SORT1: variants seen among roughly 807,000 people sequenced by gnomAD.
SORT1 encodes sortilin 1, also known as sortilin.
In SORT1, 39 loss-of-function variants were observed where a neutral mutation model predicts 101.7. The observed-to-expected ratio is 0.38, with a 90% CI of 0.30 to 0.50. The LOEUF (loss-of-function observed/expected upper bound fraction) is 0.50, where lower values mean the gene tolerates loss of function less well. SORT1 is among the 20% of genes least tolerant of loss of function. The pLI is 0.90. For synonymous variants in SORT1, 396 were observed against 393.7 expected, an observed-to-expected ratio of 1.01 and a Z score of -0.07; for missense variants, 878 against 1,040.4, an observed-to-expected ratio of 0.84 and a Z score of 2.15.
intron 1 of SORT1, among the ~76,000 whole-genome samples, chr1:109,370,389 T>C (rs541244127): frequency 7.9e-5 from 12 of 152,248 alleles, no homozygotes; most frequent in Admixed American, 3.9e-4. Flanking sequence ...TCCTACCACA[T>C]AGAGATATTC....
intron 15 of SORT1, among the ~76,000 whole-genome samples, chr1:109,318,986 C>T (rs1647436504): frequency 6.6e-6 from 1 of 152,158 alleles, no homozygotes; most frequent in African/African-American, 2.4e-5. Context: ...CCATATTGCC[C>T]AGCCTGATCT....
intron 5 of SORT1, among the ~76,000 whole-genome samples, chr1:109,352,355 A>T (rs1650025696): frequency 6.6e-6 from 1 of 152,158 alleles, no homozygotes; most frequent in Non-Finnish European, 1.5e-5. Flanking sequence ...GGCTGAAAGG[A>T]GGTTAAGGAA....
intron 6 of SORT1, among the ~76,000 whole-genome samples, chr1:109,348,180 G>T (rs933823256): frequency 1.3e-5 from 2 of 152,278 alleles, no homozygotes; most frequent in East Asian, 1.9e-4. Context: ...TGGACAACTA[G>T]GTCGGAGGTT....
At chr1:109,393,171 C>T in intron 1 of SORT1, 3 of 985,490 alleles carry the variant, frequency 3.0e-6, no homozygotes, top group Non-Finnish European at 2.4e-6. Context: ...AACAAACACA[C>T]GCATTCTTCC....
chr1:109,378,759 T>C (rs993981836), intron 1 of SORT1, among the ~76,000 whole-genome samples: 1 of 90,864 alleles, frequency 1.1e-5, no homozygotes, highest in Non-Finnish European at 2.1e-5. Flanking sequence ...TATATATATA[T>C]ATAAAGATGT....
Position 109,345,856 on chromosome 1 carries a change from T to C in SORT1, c.858A>G (p.Leu286=). 2 of 1,613,398 alleles carry C rather than the reference T, an allele frequency of 1.2e-6. No homozygotes were observed. Among genetic ancestry groups the C allele is most frequent in the Middle Eastern group, 3.3e-4 (2 of 6,058 alleles). The change falls in exon 8 of 20, where the codon TTA becomes TTG. Residue 286 remains leucine (L), a synonymous_variant. Coordinates refer to ENST00000256637, the MANE Select transcript of SORT1 (RefSeq NM_002959.7). The part of the protein sequence containing the change: ...SCKADLGALE[L]WRTSDLGKSF... The stretch of plus-strand genomic sequence containing the variant: ...TTTTTCCCAAGTCTGAAGTTCTCCA[T>C]AATTCCAGAGCCCCAAGGTCAGCTT...
chr1:109,382,429 C>T (rs187881666), intron 1 of SORT1, among the ~76,000 whole-genome samples: 1 of 152,162 alleles, frequency 6.6e-6, no homozygotes, highest in African/African-American at 2.4e-5. Context: ...AACCACCACG[C>T]CTGGACGCAT....
At chr1:109,358,936 T>C (rs1159074075) in intron 3 of SORT1, among the ~76,000 whole-genome samples, 1 of 151,678 alleles carries the variant, frequency 6.6e-6, no homozygotes, top group African/African-American at 2.4e-5. Flanking sequence ...TTACCAAAAA[T>C]AAATGATCAT....
chr1:109,376,195 C>T (rs1002069053), intron 1 of SORT1, among the ~76,000 whole-genome samples: 1 of 151,570 alleles, frequency 6.6e-6, no homozygotes, highest in Non-Finnish European at 1.5e-5. Context: ...CCGGGCGTGG[C>T]GGCGGGCGCC....
chr1:109,392,882 T>C (rs1652992008), intron 1 of SORT1: 1 of 985,232 alleles, frequency 1.0e-6, no homozygotes, highest in Non-Finnish European at 1.2e-6. Context: ...TACTCCTTGA[T>C]CCAAAGCTGA....
In SORT1 at chr1:109,397,861, A is replaced by G; in HGVS notation, c.32T>C (p.Leu11Pro). 1.6e-6 allele frequency: 2 copies of G among 1,280,432 alleles called. No individual in the cohort carries two copies. The highest frequency in any genetic ancestry group is 1.8e-5 in the South Asian group (1 of 54,800). 79.3% of individuals were successfully genotyped at this position (1,280,432 alleles called of 1,614,324 possible). The change falls in exon 1 of 20, where the codon CTC becomes CCC. Residue 11 changes from leucine (L) to proline (P), a missense_variant. Coordinates refer to ENST00000256637, the MANE Select transcript of SORT1 (RefSeq NM_002959.7). MERPWGAADG[L>P]SRWPHGLGLL... Reference sequence around the variant, plus strand: ...GCCGAGGCCATGGGGCCAGCGCGAGAGGCCGTCCGCAGCTCCCCAGGGCCG... The same window carrying G: ...GCCGAGGCCATGGGGCCAGCGCGAGGGGCCGTCCGCAGCTCCCCAGGGCCG...
At chr1:109,314,464 T>C (rs1276119664) in intron 18 of SORT1, 80 bp from the exon 19 acceptor site, 11 of 1,523,874 alleles carry the variant, frequency 7.2e-6, no homozygotes, top group Non-Finnish European at 8.9e-6. Flanking sequence ...TTTCTCAGTT[T>C]TATACACTCA....
At chr1:109,314,439 T>TA in intron 18 of SORT1, 55 bp from the exon 19 acceptor site, 5 of 1,594,776 alleles carry the variant, frequency 3.1e-6, no homozygotes, top group Non-Finnish European at 2.6e-6. Flanking sequence ...GTGCACTTCT[T>TA]ACAGGACTGT....
chr1:109,365,841 AGACCTCT>A (rs1346032980), intron 3 of SORT1, among the ~76,000 whole-genome samples: 5 of 152,220 alleles, frequency 3.3e-5, no homozygotes, highest in Non-Finnish European at 7.3e-5. Context: ...TGAAGGGCAG[AGACCTCT>A]GGCTCCATGC....
intron 1 of SORT1, chr1:109,392,614 T>G (rs1326605588): frequency 1.0e-6 from 1 of 985,190 alleles, no homozygotes; most frequent in Non-Finnish European, 1.2e-6. Flanking sequence ...CTGCATTCCC[T>G]TGGAGCCATC....
chr1:109,327,040 C>T lies in SORT1; in HGVS notation c.1595G>A (p.Gly532Asp). The change falls in exon 13 of 20, where the codon GGC becomes GAC. Residue 532 changes from glycine (G) to aspartate (D), a missense_variant. This residue lies in a region of SORT1 where 684 missense variants were observed against 894.5 expected (regional missense o/e 0.76). Transcript: ENST00000256637. Reference protein sequence around the residue: ...PHYYTILDSGGIIVAIEHSSR... With the variant: ...PHYYTILDSGDIIVAIEHSSR... The stretch of plus-strand genomic sequence containing the variant: ...GCTGTGCTCAATGGCCACAATGATG[C>T]CTCCAGAATCCAGGATGGTGTAATA... 1 of 1,612,580 alleles carries T rather than the reference C, an allele frequency of 6.2e-7. No homozygotes were observed. Among genetic ancestry groups the T allele is most frequent in the Non-Finnish European group, 8.5e-7 (1 of 1,179,900 alleles).
intron 5 of SORT1, 110 bp from the exon 6 acceptor site, chr1:109,351,112 G>A: frequency 1.2e-6 from 1 of 809,900 alleles, no homozygotes; most frequent in South Asian, 1.4e-5. Flanking sequence ...AACACATACT[G>A]AAGCTCCATC....
intron 5 of SORT1, among the ~76,000 whole-genome samples, chr1:109,353,328 C>CAAAAA: frequency 1.6e-5 from 1 of 61,056 alleles, no homozygotes; most frequent in South Asian, 5.1e-4. Flanking sequence ...AACTCTGTCT[C>CAAAAA]AAAAAAAAAA....
At chr1:109,319,408 C>T (rs963752693) in intron 15 of SORT1, among the ~76,000 whole-genome samples, 5 of 152,348 alleles carry the variant, frequency 3.3e-5, no homozygotes, top group East Asian at 3.9e-4. Flanking sequence ...ACTCAGCTGG[C>T]AGCGTCTCCT....
Sources: gnomAD v4.1 joint callset for allele counts (sites outside exome capture counted in the v4.1 genomes callset) on GRCh38, gnomAD v4.1.1 for gene constraint, gnomAD v4.1.1 regional missense constraint, MANE v1.5 for transcripts, NCBI Gene and HGNC (gene_info 2026-07-23, HGNC 2026-07-21) for gene names.